Variants in SWT1 observed in about 807,000 individuals in gnomAD.
SWT1 encodes the protein SWT1 RNA endoribonuclease homolog, also known as transcriptional protein SWT1.
In SWT1, 33 loss-of-function variants were observed where a neutral mutation model predicts 107.3. The observed-to-expected ratio is 0.31, with a 90% CI of 0.23 to 0.41. SWT1 has a LOEUF of 0.41. Ranked by LOEUF, SWT1 falls within the 10% of genes least tolerant of loss-of-function variation. The probability of loss-of-function intolerance (pLI) is 1.00; values close to 1 mark genes in which losing one functional copy is unlikely to be tolerated. For synonymous variants in SWT1, 345 were observed against 348.3 expected (o/e 0.99, Z 0.11); for missense variants, 898 against 1,028.9 (o/e 0.87, Z 1.74).
rs748058582 is a variant in SWT1 at position 185,206,613 on chromosome 1, C to A, written c.1834-12C>A. ...ATCTAGAGATGTTAATTTTTTTCTACATACTCTTTAGATCCTGTACCTGAA... is the reference window on the plus strand; with the variant it reads ...ATCTAGAGATGTTAATTTTTTTCTAAATACTCTTTAGATCCTGTACCTGAA... On this transcript the variant is annotated splice_polypyrimidine_tract_variant and intron_variant, in intron 12 of 18. Coordinates refer to ENST00000367500, the MANE Select transcript of SWT1 (RefSeq NM_017673.7). 1 of 1,445,424 alleles carries A rather than the reference C, an allele frequency of 6.9e-7. No homozygotes were observed. The highest frequency in any genetic ancestry group is 9.2e-7 in the Non-Finnish European group (1 of 1,089,762). The allele number at this position is 1,445,424 out of a possible 1,614,324, so 89.5% of individuals were successfully genotyped here. A position where few individuals can be genotyped will look rare whatever the true frequency, so the allele number is the denominator to read the frequency against.
At chr1:185,227,484 A>T in intron 15 of SWT1, 1 of 570,650 alleles carries the variant, frequency 1.8e-6, no homozygotes, top group Non-Finnish European at 3.2e-6. Context: ...AGACTATCAT[A>T]TCCCTCTCTA....
intron 16 of SWT1, among the ~76,000 whole-genome samples, chr1:185,252,184 G>T (rs878925914): frequency 4.5e-4 from 68 of 152,196 alleles, no homozygotes; most frequent in Middle Eastern, 3.4e-3. Flanking sequence ...TCTATCATTG[G>T]TGGACATTTG....
intron 4 of SWT1, among the ~76,000 whole-genome samples, chr1:185,173,530 CAA>C (rs869052260): frequency 0.4 from 38,153 of 96,192 alleles, 5,701 homozygotes; most frequent in Non-Finnish European, 0.43. Context: ...CTGTCTCTAC[CAA>C]AAAAAAAAAA....
intron 10 of SWT1, among the ~76,000 whole-genome samples, chr1:185,199,394 TC>T (rs1259010868): frequency 6.6e-6 from 1 of 152,228 alleles, no homozygotes; most frequent in Non-Finnish European, 1.5e-5. Flanking sequence ...TACTGGTTGT[TC>T]CTTTCCATAT....
chr1:185,210,259 C>T (rs1658680903), intron 13 of SWT1, among the ~76,000 whole-genome samples: 1 of 152,188 alleles, frequency 6.6e-6, no homozygotes, highest in African/African-American at 2.4e-5. Flanking sequence ...GCTTTTGCTG[C>T]CATTACTTTT....
At chr1:185,223,268 G>A (rs1659809097) in intron 15 of SWT1, among the ~76,000 whole-genome samples, 1 of 152,042 alleles carries the variant, frequency 6.6e-6, no homozygotes, top group Non-Finnish European at 1.5e-5. Context: ...CACCCAGGTG[G>A]TAGTGCAGTG....
intron 10 of SWT1, among the ~76,000 whole-genome samples, chr1:185,199,143 G>A (rs1464487269): frequency 6.6e-6 from 1 of 151,884 alleles, no homozygotes; most frequent in Non-Finnish European, 1.5e-5. Flanking sequence ...TCACCATCTT[G>A]GTCAGGCTGG....
chr1:185,271,218 A>G, intron 16 of SWT1, 105 bp from the exon 17 acceptor site: 3 of 658,466 alleles, frequency 4.6e-6, no homozygotes, highest in Middle Eastern at 2.5e-4. Context: ...TTATTAAACA[A>G]TAAGTTACCT....
intron 16 of SWT1, among the ~76,000 whole-genome samples, chr1:185,232,404 A>G (rs1660566996): frequency 6.6e-6 from 1 of 152,218 alleles, no homozygotes; most frequent in Non-Finnish European, 1.5e-5. Flanking sequence ...ACAGAAAGTA[A>G]TAACTCAGCA....
intron 17 of SWT1, among the ~76,000 whole-genome samples, chr1:185,275,079 AG>A (rs1452648775): frequency 1.3e-5 from 2 of 152,234 alleles, no homozygotes; most frequent in Admixed American, 6.5e-5. Context: ...ACTTAAAAAA[AG>A]ATCTATTAAA....
At chr1:185,257,030 A>C (rs563721568) in intron 16 of SWT1, among the ~76,000 whole-genome samples, 26 of 151,830 alleles carry the variant, frequency 1.7e-4, no homozygotes, top group African/African-American at 6.3e-4. Flanking sequence ...GTGTGTTGGA[A>C]TACCCTGCCG....
At chr1:185,188,040 A>G (rs1656645810) in intron 9 of SWT1, among the ~76,000 whole-genome samples, 3 of 152,154 alleles carry the variant, frequency 2.0e-5, no homozygotes, top group Admixed American at 1.3e-4. Flanking sequence ...AGCATTCACT[A>G]TTGCCATACA....
intron 13 of SWT1, among the ~76,000 whole-genome samples, chr1:185,209,100 T>G (rs1476307433): frequency 6.6e-6 from 1 of 152,168 alleles, no homozygotes; most frequent in Admixed American, 6.6e-5. Context: ...AAGCATGAGA[T>G]GCATGAAGGA....
At chr1:185,177,338 G>A (rs751792122) in intron 5 of SWT1, among the ~76,000 whole-genome samples, 31 of 152,184 alleles carry the variant, frequency 2.0e-4, no homozygotes, top group Admixed American at 1.7e-3. Context: ...TCTGCAGGGC[G>A]TCGTATGGTT....
At chr1:185,255,087 GT>G (rs1662376402) in intron 16 of SWT1, among the ~76,000 whole-genome samples, 2 of 152,138 alleles carry the variant, frequency 1.3e-5, no homozygotes, top group Non-Finnish European at 2.9e-5. Context: ...TAGTTGAGGG[GT>G]TTTGAGTGAG....
At chr1:185,227,776 G>A (rs933970481) in intron 15 of SWT1, 4 of 380,710 alleles carry the variant, frequency 1.1e-5, no homozygotes, top group Admixed American at 3.4e-5. Flanking sequence ...GGAGAAAGGC[G>A]AGACATTTTT....
At chr1:185,209,314 G>A (rs961481796) in intron 13 of SWT1, among the ~76,000 whole-genome samples, 15 of 152,006 alleles carry the variant, frequency 9.9e-5, no homozygotes, top group African/African-American at 3.4e-4. Flanking sequence ...GTTCCATGGG[G>A]GTTTGCTGCA....
chr1:185,178,541 A>G (rs1482743246), intron 5 of SWT1, among the ~76,000 whole-genome samples: 2 of 152,160 alleles, frequency 1.3e-5, no homozygotes, highest in African/African-American at 4.8e-5. Flanking sequence ...TATGTATTTG[A>G]TAAGGCATGG....
intron 16 of SWT1, among the ~76,000 whole-genome samples, chr1:185,251,014 T>G (rs1289747293): frequency 6.6e-6 from 1 of 152,188 alleles, no homozygotes; most frequent in Non-Finnish European, 1.5e-5. Context: ...ATAGGCTATC[T>G]CTAGTAAATC....
Sources: gnomAD v4.1 joint callset for allele counts (sites outside exome capture counted in the v4.1 genomes callset) on GRCh38, gnomAD v4.1.1 for gene constraint, MANE v1.5 for transcripts, NCBI Gene and HGNC (gene_info 2026-07-23, HGNC 2026-07-21) for gene names.